Variants in CUX1 observed in about 807,000 individuals in gnomAD.
The protein encoded by CUX1 is cut like homeobox 1, also known as protein CASP.
A neutral mutation model predicts 158.8 loss-of-function variants in CUX1; 31 were observed. The observed-to-expected ratio is 0.20, with a 90% CI of 0.15 to 0.26. The LOEUF (loss-of-function observed/expected upper bound fraction) is 0.26. Among genes scored for constraint, CUX1 ranks in the 10% least tolerant of loss-of-function variants. The pLI is 1.00. For missense variants in CUX1, 1,589 were observed against 2,014.6 expected, an observed-to-expected ratio of 0.79 and a Z score of 4.04; for synonymous variants, 879 against 862.1, an observed-to-expected ratio of 1.02 and a Z score of -0.34.
chr7:102,088,902 A>G (rs189878145), intron 4 of CUX1, among the ~76,000 whole-genome samples: 108 of 152,244 alleles, frequency 7.1e-4, no homozygotes, highest in Non-Finnish European at 1.9e-4. Flanking sequence ...TTAGGTTTAT[A>G]GCTTTTATGA....
At chr7:102,134,036 G>C (rs1180032098) in intron 8 of CUX1, among the ~76,000 whole-genome samples, 2 of 152,196 alleles carry the variant, frequency 1.3e-5, no homozygotes, top group Admixed American at 6.5e-5. Context: ...TCACAAATCT[G>C]GTTTTAAAAA....
chr7:102,079,964 C>T (rs186500072), intron 4 of CUX1, among the ~76,000 whole-genome samples: 139 of 152,294 alleles, frequency 9.1e-4, no homozygotes, highest in South Asian at 7.3e-3. Flanking sequence ...ATGGAAGCAG[C>T]GTCCCTACCT....
At position 102,249,238 on chromosome 7, in the gene CUX1, CGCGGCCCAGACCCACTCT is replaced by C. The variant is rs1416221525; in HGVS notation, c.*204_*221del. The C allele has an allele frequency of 2.4e-5, 26 of 1,087,272 alleles. No individual in the cohort carries two copies. Among genetic ancestry groups the C allele is most frequent in the East Asian group, 1.1e-4 (2 of 18,104 alleles). The allele number at this position is 1,087,272 out of a possible 1,614,324, so 67.4% of individuals were successfully genotyped here. On this transcript the variant is annotated 3_prime_UTR_variant, in exon 24 of 24. Transcript: ENST00000292535. ...CCGACCCGAGGCCCAGATCCAAGGC[CGCGGCCCAGACCCACTCT>C]GCGGCCCGGGCCGACCCTGCGGCCT...
intron 13 of CUX1, 66 bp downstream of exon 13, chr7:102,193,956 C>T (rs782468869): frequency 8.9e-6 from 13 of 1,465,804 alleles, no homozygotes; most frequent in Admixed American, 3.4e-5. Flanking sequence ...CTGGTCCCTC[C>T]GGCATATCCC....
At position 102,051,367 on chromosome 7, in the gene CUX1, G is replaced by T. The variant is rs192979667; in HGVS notation, c.190-18972G>T. On this transcript the variant is annotated intron_variant, in intron 3 of 23. Coordinates refer to ENST00000292535, the MANE Select transcript of CUX1 (RefSeq NM_181552.4). ...TGTGTTTGAAAAAAAAAAAAATAGG[G>T]CCGGGCGCAGTGGCTCATGCCTGTA... 2.0e-5 allele frequency among the ~76,000 whole-genome samples: 3 copies of T among 151,972 alleles called. No homozygotes were observed. In the South Asian group the frequency reaches 6.2e-4, roughly 31 times the overall value.
rs555793803 is a variant in CUX1, at chr7:102,008,417, G to A, written c.142-19681G>A. Reference sequence around the variant, plus strand: ...ACCCAATTCAGGTGCCCCCAGCCCAGCAAAGAGGGATTTTCATTCCTTGGG... The same window carrying A: ...ACCCAATTCAGGTGCCCCCAGCCCAACAAAGAGGGATTTTCATTCCTTGGG... On this transcript the variant is annotated intron_variant, in intron 2 of 23. Coordinates refer to ENST00000292535, the MANE Select transcript of CUX1 (RefSeq NM_181552.4). Among the ~76,000 whole-genome samples, 3 of 151,644 alleles carry A rather than the reference G, an allele frequency of 2.0e-5. No individual in the cohort carries two copies. The South Asian group carries it at 6.3e-4, about 32-fold the overall frequency.
chr7:101,821,549 C>A (rs2906723), intron 1 of CUX1, among the ~76,000 whole-genome samples: 92,248 of 150,984 alleles, frequency 0.61, 29,645 homozygotes, highest in African/African-American at 0.82. Flanking sequence ...CGTGTTAGCC[C>A]GGATGGTCTC....
intron 2 of CUX1, among the ~76,000 whole-genome samples, chr7:101,997,556 C>G (rs923424402): frequency 1.3e-5 from 2 of 152,060 alleles, no homozygotes; most frequent in Non-Finnish European, 2.9e-5. Flanking sequence ...GTTGGTCAGG[C>G]TGGTCTCAAA....
intron 6 of CUX1, among the ~76,000 whole-genome samples, chr7:102,105,282 T>G (rs111827035): frequency 1.3e-5 from 2 of 152,086 alleles, no homozygotes. Context: ...TTTTTGGTAT[T>G]GCCTCTTTCA....
intron 3 of CUX1, among the ~76,000 whole-genome samples, chr7:102,040,927 G>A (rs1310206830): frequency 6.6e-6 from 1 of 152,180 alleles, no homozygotes; most frequent in African/African-American, 2.4e-5. Flanking sequence ...CACTGGAGCA[G>A]TACTTTGGTT....
chr7:102,257,590 CTT>C lies in CUX1; in HGVS notation c.*8550_*8551del. Reference sequence around the variant, plus strand: ...AGTTCTTTGCGTTTGTGCAATAACTCTTTGCTGCTTGCCTTGAGAGCGGGTAG... The same window carrying C: ...AGTTCTTTGCGTTTGTGCAATAACTCTGCTGCTTGCCTTGAGAGCGGGTAG... On this transcript the variant is annotated 3_prime_UTR_variant, in exon 24 of 24. Coordinates refer to ENST00000292535, the MANE Select transcript of CUX1 (RefSeq NM_181552.4). 1.0e-6 allele frequency: 1 copy of C among 985,410 alleles called. No individual in the cohort carries two copies. The highest frequency in any genetic ancestry group is 1.2e-6 in the Non-Finnish European group (1 of 829,936). 61.0% of individuals were successfully genotyped at this position (985,410 alleles called of 1,614,324 possible).
Position 102,201,961 on chromosome 7 carries a change from A to G in CUX1, c.2664A>G (p.Pro888=), listed in dbSNP as rs1554519951. The G allele has an allele frequency of 1.9e-6, 3 of 1,613,994 alleles. No homozygotes were observed. The highest frequency in any genetic ancestry group is 1.6e-4 in the Middle Eastern group (1 of 6,062). The change falls in exon 18 of 24, where the codon CCA becomes CCG. Residue 888 remains proline (P), a synonymous_variant. Coordinates refer to ENST00000292535, the MANE Select transcript of CUX1 (RefSeq NM_181552.4). This position sits in a 1 kb window ranked among gnomAD's most constrained non-coding sequence, Gnocchi z 5.0. ...AGGAGTGGCCCAGCGCTGAGTCCCC[A>G]TACTCCCAGAGCTCAGAGCTGAGTC... The part of the protein sequence containing the change: ...YWKEWPSAES[P]YSQSSELSLT...
intron 3 of CUX1, among the ~76,000 whole-genome samples, chr7:102,065,852 G>A (rs573347037): frequency 1.3e-3 from 191 of 150,870 alleles, no homozygotes; most frequent in Non-Finnish European, 2.2e-3. Flanking sequence ...GTGCAGTGGC[G>A]TGATCTCGGC....
chr7:102,034,937 A>C (rs1821253474), intron 3 of CUX1, among the ~76,000 whole-genome samples: 1 of 151,968 alleles, frequency 6.6e-6, no homozygotes, highest in South Asian at 2.1e-4. Context: ...CCATCTCAAA[A>C]ACAAACAAAC....
At chr7:102,121,852 A>G (rs1417460571) in intron 8 of CUX1, among the ~76,000 whole-genome samples, 2 of 152,140 alleles carry the variant, frequency 1.3e-5, no homozygotes, top group African/African-American at 4.8e-5. Context: ...GGCGGTCTTC[A>G]AAGCCCCTTT....
chr7:102,128,050 T>C (rs1332118030), intron 8 of CUX1, among the ~76,000 whole-genome samples: 7 of 152,192 alleles, frequency 4.6e-5, no homozygotes, highest in African/African-American at 1.7e-4. Flanking sequence ...GTTTCGCCAG[T>C]TGGCCAAGCT....
intron 21 of CUX1, among the ~76,000 whole-genome samples, chr7:102,282,143 G>C (rs1217617736): frequency 2.0e-5 from 3 of 152,210 alleles, no homozygotes; most frequent in Non-Finnish European, 2.9e-5. Context: ...GGGCCGCTCC[G>C]TGAAAGAGGC....
In CUX1 at chr7:102,254,547, C is replaced by A; in HGVS notation, c.*5505C>A. The A allele has an allele frequency of 1.0e-6, 1 of 985,496 alleles. No homozygotes were observed. The highest frequency in any genetic ancestry group is 1.7e-5 in the African/African-American group (1 of 57,366). The allele number at this position is 985,496 out of a possible 1,614,324, so 61.0% of individuals were successfully genotyped here. A position where few individuals can be genotyped will look rare whatever the true frequency, so the allele number is the denominator to read the frequency against. On this transcript the variant is annotated 3_prime_UTR_variant, in exon 24 of 24. Transcript: ENST00000292535. ...CTGGGGCTGGTGGTTGGAGGTGGGTCTGTCCACTGTGGGGGCCAAAGTGTT... is the reference window on the plus strand; with the variant it reads ...CTGGGGCTGGTGGTTGGAGGTGGGTATGTCCACTGTGGGGGCCAAAGTGTT...
Position 102,252,108 on chromosome 7 carries a change from TC to T in CUX1, c.*3068del. On this transcript the variant is annotated 3_prime_UTR_variant, in exon 24 of 24. Coordinates refer to ENST00000292535, the MANE Select transcript of CUX1 (RefSeq NM_181552.4). ...TGCTTGCAGTTCTGTGTATTTTTTT[TC>T]CTCTATTATTTATTTTTTTAAAAAA... 1 of 984,296 alleles carries T rather than the reference TC, an allele frequency of 1.0e-6. No individual in the cohort carries two copies. Among genetic ancestry groups the T allele is most frequent in the Non-Finnish European group, 1.2e-6 (1 of 828,918 alleles). 61.0% of individuals were successfully genotyped at this position (984,296 alleles called of 1,614,324 possible).
Sources: allele counts gnomAD v4.1 joint callset (sites outside exome capture counted in the v4.1 genomes callset), GRCh38; gene constraint gnomAD v4.1.1; non-coding constraint Gnocchi (gnomAD v3.1); transcripts MANE v1.5; gene names NCBI Gene and HGNC (gene_info 2026-07-23, HGNC 2026-07-21).